TNIK: variants seen among roughly 807,000 people sequenced by gnomAD.
TNIK encodes TRAF2 and NCK interacting kinase, also known as TRAF2 and NCK-interacting protein kinase.
TNIK carries 49 observed loss-of-function variants against 191.3 expected under a neutral mutation model. That is an observed-to-expected ratio of 0.26 (90% CI 0.20 to 0.32). The LOEUF is 0.32. Among genes scored for constraint, TNIK ranks in the 10% least tolerant of loss-of-function variants. The pLI, the probability that TNIK is intolerant of heterozygous loss-of-function variation, is 1.00. For missense variants in TNIK, 1,155 were observed against 1,702.3 expected, an observed-to-expected ratio of 0.68 and a Z score of 5.66; for synonymous variants, 594 against 600.9, an observed-to-expected ratio of 0.99 and a Z score of 0.17.
chr3:171,334,269 T>G (rs1756722864), intron 2 of TNIK, among the ~76,000 whole-genome samples: 1 of 152,198 alleles, frequency 6.6e-6, no homozygotes, highest in African/African-American at 2.4e-5. Context: ...TCTCTCTCGC[T>G]CTCTCCTCTC....
At chr3:171,454,835 G>C (rs1728606533) in intron 1 of TNIK, among the ~76,000 whole-genome samples, 1 of 152,132 alleles carries the variant, frequency 6.6e-6, no homozygotes, top group African/African-American at 2.4e-5. Context: ...CCTCTCACCA[G>C]AAAGTTTTAA....
At chr3:171,380,094 C>T (rs1003600396) in intron 1 of TNIK, among the ~76,000 whole-genome samples, 1 of 152,102 alleles carries the variant, frequency 6.6e-6, no homozygotes, top group Admixed American at 6.6e-5. Context: ...CACATGACCA[C>T]CCCCAACCCC....
chr3:171,289,766 G>A (rs1751466408), intron 2 of TNIK, among the ~76,000 whole-genome samples: 1 of 152,038 alleles, frequency 6.6e-6, no homozygotes, highest in Admixed American at 6.5e-5. Context: ...GCCAGGAATG[G>A]TGGCACAGTC....
intron 2 of TNIK, among the ~76,000 whole-genome samples, chr3:171,261,690 C>T (rs967087217): frequency 2.0e-5 from 3 of 152,218 alleles, no homozygotes; most frequent in Admixed American, 6.5e-5. Flanking sequence ...CATTCAACAA[C>T]TGAGCACCCA....
intron 2 of TNIK, among the ~76,000 whole-genome samples, chr3:171,231,118 C>T (rs1743568045): frequency 1.3e-5 from 2 of 152,220 alleles, no homozygotes; most frequent in Admixed American, 6.5e-5. Context: ...TTCCCATCAG[C>T]AGCCTAGGGC....
Position 171,222,180 on chromosome 3 carries a change from T to G in TNIK, c.180+5985A>C, listed in dbSNP as rs190869273. 1.4e-4 allele frequency among the ~76,000 whole-genome samples: 22 copies of G among 152,288 alleles called. No homozygotes were observed. In the East Asian group the frequency reaches 4.3e-3, roughly 29 times the overall value. The stretch of plus-strand genomic sequence containing the variant: ...CAGCTCTCTCTGAATCTGAAGGCCA[T>G]GCTCTGGCAATACTCTCTCATTTCT... On this transcript the variant is annotated intron_variant, in intron 3 of 32. Transcript: ENST00000436636.
At position 171,385,174 on chromosome 3, in the gene TNIK, G is replaced by A. The variant is rs117770266; in HGVS notation, c.58-15489C>T. ...GGAAAGAATGAAGAGTGAGCCAAAG[G>A]GGACAAGTAGCTCTGCCTTCTCAGT... is the stretch of plus-strand genomic sequence containing the variant. On this transcript the variant is annotated intron_variant, in intron 1 of 32. Transcript: ENST00000436636. Among the ~76,000 whole-genome samples, 1,358 of 152,204 alleles carry A rather than the reference G, an allele frequency of 8.9e-3. 50 individuals carry two copies. The highest frequency in any genetic ancestry group is 0.063 in the Admixed American group (957 of 15,278).
intron 26 of TNIK, among the ~76,000 whole-genome samples, chr3:171,082,940 A>G (rs1720874788): frequency 6.6e-6 from 1 of 152,166 alleles, no homozygotes. Context: ...GGGAAATGAT[A>G]AACCCATTCA....
chr3:171,282,334 GT>G (rs201489240), intron 2 of TNIK, among the ~76,000 whole-genome samples: 2 of 114,522 alleles, frequency 1.7e-5, no homozygotes, highest in Non-Finnish European at 3.6e-5. Context: ...TCTCTTAATG[GT>G]TTTTTGTTTT....
At chr3:171,336,729 C>A (rs1313372322) in intron 2 of TNIK, among the ~76,000 whole-genome samples, 2 of 152,120 alleles carry the variant, frequency 1.3e-5, no homozygotes, top group Non-Finnish European at 2.9e-5. Flanking sequence ...TGGGTACTTA[C>A]CAACCAACAG....
intron 19 of TNIK, among the ~76,000 whole-genome samples, chr3:171,108,717 A>G (rs1293034157): frequency 6.6e-6 from 1 of 152,188 alleles, no homozygotes; most frequent in African/African-American, 2.4e-5. Context: ...GGGAAAAAAA[A>G]TTTATTTTAT....
chr3:171,138,114 A>G, intron 15 of TNIK, 77 bp downstream of exon 15: 1 of 1,371,000 alleles, frequency 7.3e-7, no homozygotes. Flanking sequence ...CACTGGGTTA[A>G]CTCTCCACTT....
intron 27 of TNIK, 28 bp downstream of exon 27, chr3:171,082,223 T>G: frequency 2.5e-6 from 4 of 1,606,616 alleles, no homozygotes; most frequent in South Asian, 1.1e-5. Context: ...TGTATGGACC[T>G]GGGGGACTCA....
intron 19 of TNIK, 41 bp downstream of exon 19, chr3:171,110,672 TC>T: frequency 6.5e-7 from 1 of 1,535,446 alleles, no homozygotes; most frequent in Non-Finnish European, 8.8e-7. Context: ...ACAGCTTTCC[TC>T]CCAGGCAGTA....
chr3:171,166,237 C>A (rs9851514), intron 10 of TNIK, among the ~76,000 whole-genome samples: 31 of 152,294 alleles, frequency 2.0e-4, no homozygotes, highest in Admixed American at 3.9e-4. Flanking sequence ...AATGAAAATT[C>A]TCTTCACCAT....
chr3:171,297,717 T>C (rs899576534), intron 2 of TNIK, among the ~76,000 whole-genome samples: 3 of 152,214 alleles, frequency 2.0e-5, no homozygotes, highest in Non-Finnish European at 1.5e-5. Context: ...TTAACATGGA[T>C]CTGTTAAAGC....
intron 5 of TNIK, among the ~76,000 whole-genome samples, chr3:171,192,936 T>C (rs1738234777): frequency 6.6e-6 from 1 of 152,194 alleles, no homozygotes; most frequent in Admixed American, 6.5e-5. Flanking sequence ...ATGTATGTGT[T>C]TTTTCTTAAG....
chr3:171,291,227 A>G (rs1019374724), intron 2 of TNIK, among the ~76,000 whole-genome samples: 5 of 152,166 alleles, frequency 3.3e-5, no homozygotes, highest in Non-Finnish European at 5.9e-5. Flanking sequence ...AATAAATCCC[A>G]TAAGATAATG....
intron 2 of TNIK, among the ~76,000 whole-genome samples, chr3:171,250,581 T>A (rs1319035342): frequency 6.6e-6 from 1 of 152,102 alleles, no homozygotes; most frequent in Non-Finnish European, 1.5e-5. Context: ...CAGAGAAAAG[T>A]AGGAACTCCA....
Sources: allele counts gnomAD v4.1 joint callset (sites outside exome capture counted in the v4.1 genomes callset), GRCh38; gene constraint gnomAD v4.1.1; transcripts MANE v1.5; gene names NCBI Gene and HGNC (gene_info 2026-07-23, HGNC 2026-07-21).